The following CACNA2D1 variants were observed in gnomAD, a reference collection of about 807,000 sequenced individuals.
The protein encoded by CACNA2D1 is voltage-dependent calcium channel subunit alpha-2/delta-1.
In CACNA2D1, 53 loss-of-function variants were observed where a neutral mutation model predicts 171.5. The observed-to-expected ratio is 0.31, with a 90% CI of 0.25 to 0.39. The LOEUF (loss-of-function observed/expected upper bound fraction) is 0.39, where lower values mean the gene tolerates loss of function less well. Ranked by LOEUF, CACNA2D1 falls within the 10% of genes least tolerant of loss-of-function variation. The pLI is 1.00. For missense variants in CACNA2D1, 903 were observed against 1,299.8 expected, an observed-to-expected ratio of 0.69 and a Z score of 4.69; for synonymous variants, 442 against 443.1, an observed-to-expected ratio of 1.00 and a Z score of 0.03.
At chr7:81,988,919 C>T (rs1295342706) in intron 21 of CACNA2D1, among the ~76,000 whole-genome samples, 1 of 151,994 alleles carries the variant, frequency 6.6e-6, no homozygotes, top group African/African-American at 2.4e-5. Flanking sequence ...CGTGTGTGTG[C>T]ATGATGTTAA....
chr7:82,435,129 G>A (rs1269289953), intron 1 of CACNA2D1, among the ~76,000 whole-genome samples: 4 of 138,970 alleles, frequency 2.9e-5, no homozygotes, highest in Admixed American at 8.0e-5. Flanking sequence ...TCCGCCTCCC[G>A]GGTTCAAGTG....
At chr7:82,097,971 G>A (rs955342753) in intron 6 of CACNA2D1, among the ~76,000 whole-genome samples, 7 of 151,606 alleles carry the variant, frequency 4.6e-5, no homozygotes, top group African/African-American at 1.7e-4. Flanking sequence ...AAAATTACTC[G>A]GGCATGGTGG....
chr7:82,375,929 A>G (rs1381630387), intron 1 of CACNA2D1, among the ~76,000 whole-genome samples: 1 of 152,168 alleles, frequency 6.6e-6, no homozygotes, highest in East Asian at 1.9e-4. Flanking sequence ...GCTGTCCATC[A>G]GTAAAACAAG....
intron 1 of CACNA2D1, among the ~76,000 whole-genome samples, chr7:82,435,693 T>C (rs1187629234): frequency 2.0e-5 from 3 of 152,136 alleles, no homozygotes; most frequent in Non-Finnish European, 4.4e-5. Flanking sequence ...CTGCCTAATA[T>C]ACTGGCCCGC....
intron 9 of CACNA2D1, 97 bp from the exon 10 acceptor site, chr7:82,060,624 T>A: frequency 1.6e-6 from 1 of 633,356 alleles, no homozygotes; most frequent in South Asian, 2.1e-5. Context: ...CCTAGATCTT[T>A]TATATATTAT....
rs538675581 is a variant in CACNA2D1, at chr7:82,077,879, G to A, written c.658+6890C>T. 4.6e-5 allele frequency among the ~76,000 whole-genome samples: 7 copies of A among 151,772 alleles called. No homozygotes were observed. In the South Asian group the frequency reaches 6.3e-4, roughly 14 times the overall value. On this transcript the variant is annotated intron_variant, in intron 7 of 38. Coordinates refer to ENST00000356860, the MANE Select transcript of CACNA2D1 (RefSeq NM_000722.4). ...TCTTCTAGTTGGCTAAAAATAGATC[G>A]AACGCTTCATTTATGACTAAACTTT...
intron 1 of CACNA2D1, among the ~76,000 whole-genome samples, chr7:82,422,878 C>T (rs941201466): frequency 6.6e-6 from 1 of 151,520 alleles, no homozygotes; most frequent in African/African-American, 2.4e-5. Flanking sequence ...GCAAAAGATG[C>T]TTTGTCAAGA....
In CACNA2D1 at chr7:81,950,367, C is replaced by G. The variant is rs1792374712; in HGVS notation, c.*25G>C. On this transcript the variant is annotated 3_prime_UTR_variant, in exon 39 of 39. Transcript: ENST00000356860. ...TGTTTTGGCAGGGTCTGGAGTTTAA[C>G]TATGCAGATTTGGTTTTTAGAAGGT... 1.2e-6 allele frequency: 2 copies of G among 1,612,940 alleles called. No individual in the cohort carries two copies. The highest frequency in any genetic ancestry group is 1.7e-6 in the Non-Finnish European group (2 of 1,179,272).
At chr7:82,200,974 T>C (rs1400018043) in intron 3 of CACNA2D1, among the ~76,000 whole-genome samples, 2 of 152,190 alleles carry the variant, frequency 1.3e-5, no homozygotes, top group Non-Finnish European at 2.9e-5. Flanking sequence ...TTATAAAGGG[T>C]TCCTAATAAA....
At chr7:82,015,475 T>C (rs575379509) in intron 12 of CACNA2D1, among the ~76,000 whole-genome samples, 1 of 152,288 alleles carries the variant, frequency 6.6e-6, no homozygotes, top group African/African-American at 2.4e-5. Context: ...AATTTATTTA[T>C]TGAAAGACAT....
chr7:82,066,428 T>C, intron 8 of CACNA2D1, 27 bp downstream of exon 8: 13 of 1,610,760 alleles, frequency 8.1e-6, no homozygotes, highest in Non-Finnish European at 1.0e-5. Flanking sequence ...CTATTTTATC[T>C]TTTCATGGCT....
chr7:82,146,633 T>C (rs946604897), intron 4 of CACNA2D1, among the ~76,000 whole-genome samples: 1 of 150,896 alleles, frequency 6.6e-6, no homozygotes, highest in Non-Finnish European at 1.5e-5. Context: ...GAATGCTGTA[T>C]GAAGTGCTAC....
At chr7:82,087,380 G>C (rs536746522) in intron 6 of CACNA2D1, among the ~76,000 whole-genome samples, 3 of 152,090 alleles carry the variant, frequency 2.0e-5, no homozygotes, top group Admixed American at 2.0e-4. Context: ...TGCACATCGT[G>C]TTCACTGAAC....
At chr7:82,443,806 TC>T, upstream of CACNA2D1, 1 of 772,812 alleles carries the variant, frequency 1.3e-6, no homozygotes. Context: ...CCTGATTTAT[TC>T]CCCCGATTGC....
At chr7:82,012,006 T>C (rs1331965611) in intron 15 of CACNA2D1, 148 bp downstream of exon 15, 4 of 664,992 alleles carry the variant, frequency 6.0e-6, no homozygotes, top group Non-Finnish European at 8.2e-6. Flanking sequence ...ATGTAAATTA[T>C]ATAAATTCTA....
At chr7:82,236,647 T>A (rs1803621423) in intron 3 of CACNA2D1, among the ~76,000 whole-genome samples, 1 of 152,108 alleles carries the variant, frequency 6.6e-6, no homozygotes, top group Non-Finnish European at 1.5e-5. Flanking sequence ...AATATTAGAA[T>A]GGAGAATTCA....
At chr7:82,191,171 A>T (rs1798257373) in intron 3 of CACNA2D1, among the ~76,000 whole-genome samples, 1 of 151,798 alleles carries the variant, frequency 6.6e-6, no homozygotes, top group Non-Finnish European at 1.5e-5. Flanking sequence ...GAGTTAAGGG[A>T]TCACAAAATT....
intron 3 of CACNA2D1, among the ~76,000 whole-genome samples, chr7:82,209,430 A>G (rs2129222150): frequency 6.6e-6 from 1 of 152,332 alleles, no homozygotes; most frequent in East Asian, 1.9e-4. Flanking sequence ...GAGTGAAAAG[A>G]GAGCCACAAT....
intron 3 of CACNA2D1, among the ~76,000 whole-genome samples, chr7:82,291,148 A>ATGTAATTCTATATCGATATAGAAT (rs1811488304): frequency 7.7e-6 from 1 of 129,562 alleles, no homozygotes; most frequent in Non-Finnish European, 1.6e-5. Context: ...CCACTTGTAC[A>ATGTAATTCTATATCGATATAGAAT]TATAATTCTA....
Sources: gnomAD v4.1 joint callset for allele counts (sites outside exome capture counted in the v4.1 genomes callset) on GRCh38, gnomAD v4.1.1 for gene constraint, MANE v1.5 for transcripts, NCBI Gene and HGNC (gene_info 2026-07-23, HGNC 2026-07-21) for gene names.